RAB27A: variants seen among roughly 807,000 people sequenced by gnomAD.
RAB27A encodes the protein RAB27A, member RAS oncogene family.
RAB27A carries 17 observed loss-of-function variants against 20.8 expected under a neutral mutation model. The observed-to-expected ratio is 0.82, with a 90% CI of 0.56 to 1.23. The LOEUF is 1.23. Among genes scored for constraint, RAB27A ranks in the 50% most tolerant of loss-of-function variants. The probability of loss-of-function intolerance (pLI) is 0.00; values close to 1 mark genes in which losing one functional copy is unlikely to be tolerated. For synonymous variants in RAB27A, 85 were observed against 92.8 expected (o/e 0.92, Z 0.48); for missense variants, 277 against 266.7 (o/e 1.04, Z -0.27).
intron 1 of RAB27A, among the ~76,000 whole-genome samples, chr15:55,314,657 A>G (rs533665105): frequency 1.3e-5 from 2 of 152,348 alleles, no homozygotes; most frequent in Non-Finnish European, 2.9e-5. Context: ...GTGAACTCCT[A>G]TTCACAACTG....
At chr15:55,244,074 A>G (rs525152) in intron 2 of RAB27A, among the ~76,000 whole-genome samples, 79,351 of 151,978 alleles carry the variant, frequency 0.52, 21,343 homozygotes, top group East Asian at 0.73. Context: ...GCTGAGGCAG[A>G]TGGATCACTT....
At chr15:55,251,215 T>C (rs983393461) in intron 2 of RAB27A, among the ~76,000 whole-genome samples, 4 of 152,194 alleles carry the variant, frequency 2.6e-5, no homozygotes, top group Admixed American at 1.3e-4. Context: ...ACACTTCTTA[T>C]CTGGGAGGGA....
chr15:55,247,486 C>T (rs1210164427), intron 2 of RAB27A, among the ~76,000 whole-genome samples: 2 of 152,136 alleles, frequency 1.3e-5, no homozygotes, highest in African/African-American at 2.4e-5. Context: ...TCTGTCAAGA[C>T]TCATCTTCCT....
rs1897726797 is a variant in RAB27A, at chr15:55,272,145, G to A, written c.-142-1861C>T. 2.0e-5 allele frequency among the ~76,000 whole-genome samples: 3 copies of A among 152,112 alleles called. No individual in the cohort carries two copies. In the South Asian group the frequency reaches 6.2e-4, roughly 32 times the overall value. ...ATCAGGATATATAGGAATCTCCTAG[G>A]GATCTTTCAAAATGCTAATTCTGAT... is the stretch of plus-strand genomic sequence containing the variant. On this transcript the variant is annotated intron_variant, in intron 1 of 6. Transcript: ENST00000336787.
At chr15:55,298,283 T>C (rs758421836) in intron 2 of RAB27A, among the ~76,000 whole-genome samples, 10 of 151,854 alleles carry the variant, frequency 6.6e-5, no homozygotes, top group Non-Finnish European at 1.5e-4. Context: ...CTTTTCTACT[T>C]TCCCTAAGCA....
chr15:55,286,161 A>G (rs187968469), intron 1 of RAB27A, among the ~76,000 whole-genome samples: 1 of 152,346 alleles, frequency 6.6e-6, no homozygotes, highest in Admixed American at 6.5e-5. Context: ...TTGGAAGCCA[A>G]GCAGGGTTGG....
intron 3 of RAB27A, among the ~76,000 whole-genome samples, chr15:55,233,630 A>G (rs975100181): frequency 6.6e-6 from 1 of 152,176 alleles, no homozygotes; most frequent in South Asian, 2.1e-4. Flanking sequence ...CCATTGATAG[A>G]AAATTCATGG....
chr15:55,301,494 G>T (rs1032416026), intron 2 of RAB27A, among the ~76,000 whole-genome samples: 2 of 151,862 alleles, frequency 1.3e-5, no homozygotes, highest in African/African-American at 4.8e-5. Context: ...TGGTTTGCAT[G>T]CAGTGTCTTT....
intron 2 of RAB27A, among the ~76,000 whole-genome samples, chr15:55,300,072 G>A (rs909701515): frequency 2.6e-5 from 4 of 151,954 alleles, no homozygotes; most frequent in East Asian, 1.9e-4. Context: ...CGCCCGCCTC[G>A]GCCTCCCAAA....
chr15:55,233,310 T>A (rs1224627928), intron 3 of RAB27A, among the ~76,000 whole-genome samples: 1 of 151,972 alleles, frequency 6.6e-6, no homozygotes, highest in Non-Finnish European at 1.5e-5. Flanking sequence ...TTAATCAAAA[T>A]TAGATTGTGA....
intron 2 of RAB27A, among the ~76,000 whole-genome samples, chr15:55,262,374 T>C (rs1897301453): frequency 6.6e-6 from 1 of 151,724 alleles, no homozygotes; most frequent in South Asian, 2.1e-4. Flanking sequence ...ACCTCGTCTC[T>C]ACTCAAAATA....
chr15:55,239,061 C>A (rs56746534), intron 2 of RAB27A, among the ~76,000 whole-genome samples: 1,595 of 152,172 alleles, frequency 0.01, 36 homozygotes, highest in African/African-American at 0.037. Context: ...TAGCTAGTTC[C>A]AATAGGCTCT....
upstream of RAB27A, among the ~76,000 whole-genome samples, chr15:55,290,841 G>C (rs145897706): frequency 2.2e-3 from 342 of 152,342 alleles, 3 homozygotes; most frequent in African/African-American, 7.8e-3. Flanking sequence ...CTTCTAAGCA[G>C]AGTAAAATGT....
chr15:55,231,002 T>C (rs1265528849), intron 3 of RAB27A, among the ~76,000 whole-genome samples: 1 of 152,194 alleles, frequency 6.6e-6, no homozygotes, highest in Non-Finnish European at 1.5e-5. Context: ...TAGTGTCTAC[T>C]GTTTCTGTCT....
At chr15:55,316,947 G>C (rs1244157040) in intron 1 of RAB27A, among the ~76,000 whole-genome samples, 1 of 152,074 alleles carries the variant, frequency 6.6e-6, no homozygotes, top group Non-Finnish European at 1.5e-5. Flanking sequence ...TTCTGCCTGA[G>C]GTAGTTTAAG....
At chr15:55,258,576 C>T (rs905887590) in intron 2 of RAB27A, among the ~76,000 whole-genome samples, 1 of 152,204 alleles carries the variant, frequency 6.6e-6, no homozygotes, top group African/African-American at 2.4e-5. Flanking sequence ...CTGGGCTATA[C>T]CTATGCACAC....
At chr15:55,257,241 T>C (rs566070479) in intron 2 of RAB27A, among the ~76,000 whole-genome samples, 1 of 152,266 alleles carries the variant, frequency 6.6e-6, no homozygotes, top group East Asian at 1.9e-4. Context: ...AGGTTCAGCA[T>C]GAGAGATCAT....
chr15:55,246,243 C>A lies in RAB27A; in HGVS notation c.-22-11287G>T, dbSNP rs544897441. On this transcript the variant is annotated intron_variant, in intron 2 of 6. Transcript: ENST00000336787. ...GAAGAAAAAAATAAGCAGTCATAGCCCAGAAATCCATCAACTATTTCTGAA... is the reference window on the plus strand; with the variant it reads ...GAAGAAAAAAATAAGCAGTCATAGCACAGAAATCCATCAACTATTTCTGAA... Among the ~76,000 whole-genome samples the A allele has an allele frequency of 3.3e-5, 5 of 151,986 alleles. No individual in the cohort carries two copies. The East Asian group carries it at 7.7e-4, about 24-fold the overall frequency.
At chr15:55,206,773 A>G (rs1221959018) in intron 6 of RAB27A, among the ~76,000 whole-genome samples, 1 of 152,212 alleles carries the variant, frequency 6.6e-6, no homozygotes, top group Non-Finnish European at 1.5e-5. Context: ...ATAAGAAAGG[A>G]TTTCTTAATA....
Sources: allele counts gnomAD v4.1 joint callset (sites outside exome capture counted in the v4.1 genomes callset), GRCh38; gene constraint gnomAD v4.1.1; transcripts MANE v1.5; gene names NCBI Gene and HGNC (gene_info 2026-07-23, HGNC 2026-07-21).